Variants in ERRFI1 observed in about 807,000 individuals in gnomAD.
ERRFI1 encodes ERBB receptor feedback inhibitor 1.
A neutral mutation model predicts 14.6 loss-of-function variants in ERRFI1; 12 were observed. That is an observed-to-expected ratio of 0.82 (90% CI 0.53 to 1.33). The LOEUF (loss-of-function observed/expected upper bound fraction) is 1.33, where lower values mean the gene tolerates loss of function less well. Among genes scored for constraint, ERRFI1 ranks in the 40% most tolerant of loss-of-function variants. The probability of loss-of-function intolerance (pLI) is 0.00; values close to 1 mark genes in which losing one functional copy is unlikely to be tolerated. For missense variants in ERRFI1, 482 were observed against 572.1 expected (o/e 0.84, Z 1.61); for synonymous variants, 202 against 209.9 (o/e 0.96, Z 0.32).
At chr1:8,018,000 A>T (rs1641206832) in intron 1 of ERRFI1, among the ~76,000 whole-genome samples, 6 of 152,060 alleles carry the variant, frequency 3.9e-5, no homozygotes, top group Admixed American at 3.9e-4. Context: ...TTAAGAAAAA[A>T]ATTTTTTTAG....
At chr1:8,015,136 T>A (rs757493790) in intron 3 of ERRFI1, 172 bp downstream of exon 3, 29 of 611,980 alleles carry the variant, frequency 4.7e-5, no homozygotes, top group Non-Finnish European at 6.9e-5. Context: ...TCGAGTACAA[T>A]AGCTTGAGAA....
chr1:8,025,730 GGCT>G (rs1028477765), intron 1 of ERRFI1, among the ~76,000 whole-genome samples: 9 of 151,802 alleles, frequency 5.9e-5, no homozygotes, highest in Non-Finnish European at 1.3e-4. Context: ...CGCGAGCGCA[GGCT>G]GCGGGACGAG....
intron 1 of ERRFI1, among the ~76,000 whole-genome samples, chr1:8,016,295 A>C (rs1269605988): frequency 6.6e-6 from 1 of 152,192 alleles, no homozygotes. Flanking sequence ...TTGTTCAAGG[A>C]ACAAACAGTA....
chr1:8,015,455 T>C (rs745798544), intron 2 of ERRFI1, 40 bp downstream of exon 2: 14 of 1,613,996 alleles, frequency 8.7e-6, no homozygotes, highest in Admixed American at 1.7e-5. Flanking sequence ...TAGTGTCACA[T>C]ATTTATCCAG....
chr1:8,019,241 C>T (rs10489450), intron 1 of ERRFI1, among the ~76,000 whole-genome samples: 19,930 of 152,154 alleles, frequency 0.13, 1,661 homozygotes, highest in Non-Finnish European at 0.17. Context: ...GCTCAAAAAA[C>T]CTTCAAAGGC....
Position 8,014,274 on chromosome 1 carries a change from C to T in ERRFI1, c.325G>A (p.Asp109Asn), listed in dbSNP as rs34781518. ...TTCTTAAAACCACATACAACTTGAT[C>T]CTCTTCATGTGGTCCCAAGTTTTCA... The part of the protein sequence containing the change: ...PSENLGPHEE[D>N]QVVCGFKKLT... Residue 109 changes from aspartate (D) to asparagine (N), a missense_variant, in exon 4 of 4, where the codon GAT becomes AAT. Physicochemically the swap from Asp to Asn is conservative, Grantham distance 23 (BLOSUM62 1). Coordinates refer to ENST00000377482, the MANE Select transcript of ERRFI1 (RefSeq NM_018948.4). 19,087 of 1,614,128 alleles carry T rather than the reference C, an allele frequency of 0.012. 177 individuals are homozygous for T. Among genetic ancestry groups the T allele is most frequent in the Middle Eastern group, 0.039 (236 of 6,062 alleles).
intron 3 of ERRFI1, 112 bp from the exon 4 acceptor site, chr1:8,014,508 A>G (rs1641144188): frequency 9.7e-7 from 1 of 1,034,260 alleles, no homozygotes; most frequent in Non-Finnish European, 1.4e-6. Flanking sequence ...TGAGTGAAAC[A>G]CTTGACTGCT....
In ERRFI1 at chr1:8,013,120, CT is replaced by C. The variant is rs1641110396; in HGVS notation, c.*89del. ...GAGTTCAACTATTTTATTTTGCAATCTAAGGGATTTTTCTCTGCACTTCAAT... is the reference window on the plus strand; with the variant it reads ...GAGTTCAACTATTTTATTTTGCAATCAAGGGATTTTTCTCTGCACTTCAAT... On this transcript the variant is annotated 3_prime_UTR_variant, in exon 4 of 4. Transcript: ENST00000377482. This position sits in a 1 kb window ranked among gnomAD's most constrained non-coding sequence, Gnocchi z 4.3. 1 of 1,136,596 alleles carries C rather than the reference CT, an allele frequency of 8.8e-7. No homozygotes were observed. The highest frequency in any genetic ancestry group is 1.6e-5 in the African/African-American group (1 of 64,188). The allele number at this position is 1,136,596 out of a possible 1,614,324, so 70.4% of individuals were successfully genotyped here. A position where few individuals can be genotyped will look rare whatever the true frequency, so the allele number is the denominator to read the frequency against.
chr1:8,012,262 A>G lies in ERRFI1; in HGVS notation c.*948T>C, dbSNP rs1031151136. 1 of 162,138 alleles carries G rather than the reference A, an allele frequency of 6.2e-6. No homozygotes were observed. Among genetic ancestry groups the G allele is most frequent in the Admixed American group, 6.8e-5 (1 of 14,806 alleles). The allele number at this position is 162,138 out of a possible 1,614,324, so 10.0% of individuals were successfully genotyped here. The stretch of plus-strand genomic sequence containing the variant: ...TGTTGTATGTTTATTAATACAGTCT[A>G]AAAAAAAAAAGCAAAACCACAACAC... On this transcript the variant is annotated 3_prime_UTR_variant, in exon 4 of 4. Coordinates refer to ENST00000377482, the MANE Select transcript of ERRFI1 (RefSeq NM_018948.4).
chr1:8,015,184 T>C, intron 3 of ERRFI1, 124 bp downstream of exon 3: 1 of 787,100 alleles, frequency 1.3e-6, no homozygotes, highest in Non-Finnish European at 2.1e-6. Context: ...CCACTAGGGG[T>C]CAGGCTGTTG....
chr1:8,023,423 G>A (rs568290449), intron 1 of ERRFI1, among the ~76,000 whole-genome samples: 13 of 152,198 alleles, frequency 8.5e-5, no homozygotes, highest in South Asian at 6.2e-4. Flanking sequence ...GACTACAGAC[G>A]TGTGCCACCA....
intron 1 of ERRFI1, among the ~76,000 whole-genome samples, chr1:8,025,866 C>G (rs1310910819): frequency 2.6e-5 from 4 of 152,084 alleles, no homozygotes; most frequent in African/African-American, 9.7e-5. Flanking sequence ...ACGACCACAG[C>G]CGGCGTGGAG....
In ERRFI1 at chr1:8,013,062, A is replaced by T; in HGVS notation, c.*148T>A. 1 of 704,742 alleles carries T rather than the reference A, an allele frequency of 1.4e-6. No individual in the cohort carries two copies. The highest frequency in any genetic ancestry group is 2.3e-6 in the Non-Finnish European group (1 of 431,274). The allele number at this position is 704,742 out of a possible 1,614,324, so 43.7% of individuals were successfully genotyped here. A position where few individuals can be genotyped will look rare whatever the true frequency, so the allele number is the denominator to read the frequency against. ...GGGTTTCTCAGCATAACAGCATCTCACAACTGCTCTAAACCTTCCACATGA... is the reference window on the plus strand; with the variant it reads ...GGGTTTCTCAGCATAACAGCATCTCTCAACTGCTCTAAACCTTCCACATGA... On this transcript the variant is annotated 3_prime_UTR_variant, in exon 4 of 4. Coordinates refer to ENST00000377482, the MANE Select transcript of ERRFI1 (RefSeq NM_018948.4). This position sits in a 1 kb window ranked among gnomAD's most constrained non-coding sequence, Gnocchi z 4.3.
At chr1:8,014,427 TCAA>T in intron 3 of ERRFI1, 31 bp from the exon 4 acceptor site, 1 of 1,523,014 alleles carries the variant, frequency 6.6e-7, no homozygotes, top group Non-Finnish European at 8.8e-7. Flanking sequence ...TAATAAAAGA[TCAA>T]CAATCCTCTC....
intron 1 of ERRFI1, among the ~76,000 whole-genome samples, chr1:8,017,626 GAGGAA>G (rs1284630049): frequency 6.6e-6 from 1 of 152,210 alleles, no homozygotes; most frequent in Non-Finnish European, 1.5e-5. Context: ...GCAAGACTAT[GAGGAA>G]AGTATCTGTG....
In ERRFI1 at chr1:8,012,415, G is replaced by A. The variant is rs760522714; in HGVS notation, c.*795C>T. 1.7e-5 allele frequency: 4 copies of A among 230,298 alleles called. No homozygotes were observed. The highest frequency in any genetic ancestry group is 6.1e-5 in the East Asian group (1 of 16,292). The allele number at this position is 230,298 out of a possible 1,614,324, so 14.3% of individuals were successfully genotyped here. On this transcript the variant is annotated 3_prime_UTR_variant, in exon 4 of 4. Coordinates refer to ENST00000377482, the MANE Select transcript of ERRFI1 (RefSeq NM_018948.4). ...TAACGTACCCCACTGCCTCTAATAC[G>A]GCCCGCACTACGATGAGCTACTTCA...
chr1:8,014,559 T>TA (rs1641144887), intron 3 of ERRFI1, 163 bp from the exon 4 acceptor site: 9 of 623,660 alleles, frequency 1.4e-5, no homozygotes, highest in Admixed American at 6.5e-5. Context: ...CAGGTGTAAT[T>TA]AGAGAGCAGA....
chr1:8,014,651 C>T (rs1237470076), intron 3 of ERRFI1: 4 of 455,774 alleles, frequency 8.8e-6, no homozygotes, highest in Non-Finnish European at 3.9e-6. Flanking sequence ...CGCACACCCA[C>T]ACATCACAGG....
chr1:8,011,733 A>G lies in ERRFI1; in HGVS notation c.*1477T>C, dbSNP rs1557462205. The G allele has an allele frequency of 5.3e-6, 1 of 187,974 alleles. No individual in the cohort carries two copies. The highest frequency in any genetic ancestry group is 2.3e-5 in the African/African-American group (1 of 42,874). The allele number at this position is 187,974 out of a possible 1,614,324, so 11.6% of individuals were successfully genotyped here. A position where few individuals can be genotyped will look rare whatever the true frequency, so the allele number is the denominator to read the frequency against. On this transcript the variant is annotated 3_prime_UTR_variant, in exon 4 of 4. Coordinates refer to ENST00000377482, the MANE Select transcript of ERRFI1 (RefSeq NM_018948.4). Reference sequence around the variant, plus strand: ...AGAAACATTACTAATGGTATCATAAATAAGTATTATAACTTTATTAAAATG... The same window carrying G: ...AGAAACATTACTAATGGTATCATAAGTAAGTATTATAACTTTATTAAAATG...
Sources: gnomAD v4.1 joint callset for allele counts (sites outside exome capture counted in the v4.1 genomes callset) on GRCh38, gnomAD v4.1.1 for gene constraint, Gnocchi (gnomAD v3.1) non-coding constraint, MANE v1.5 for transcripts, NCBI Gene and HGNC (gene_info 2026-07-23, HGNC 2026-07-21) for gene names.